Variants in TYW1B observed in about 807,000 individuals in gnomAD.
TYW1B encodes S-adenosyl-L-methionine-dependent tRNA 4-demethylwyosine synthase TYW1B.
Under a neutral mutation model 86.9 loss-of-function variants are expected in TYW1B, and 73 were observed. The observed-to-expected ratio is 0.84, with a 90% CI of 0.70 to 1.02. The LOEUF is 1.02. TYW1B is among the 50% of genes least tolerant of loss of function. The pLI, the probability that TYW1B is intolerant of heterozygous loss-of-function variation, is 0.00. For synonymous variants in TYW1B, 248 were observed against 292.8 expected, an observed-to-expected ratio of 0.85 and a Z score of 1.56; for missense variants, 637 against 827.4, an observed-to-expected ratio of 0.77 and a Z score of 2.82.
chr7:72,824,103 C>T (rs1351694227), intron 2 of TYW1B, among the ~76,000 whole-genome samples: 10 of 151,922 alleles, frequency 6.6e-5, no homozygotes, highest in African/African-American at 2.4e-4. Context: ...TAAGGTTTAA[C>T]TTAACAACTG....
chr7:72,791,261 A>G (rs1788212786), intron 6 of TYW1B, among the ~76,000 whole-genome samples: 1 of 151,938 alleles, frequency 6.6e-6, no homozygotes, highest in Non-Finnish European at 1.5e-5. Flanking sequence ...AACCTTGGGG[A>G]GGGAGGGGGA....
At chr7:72,615,951 G>C (rs1812061282) in intron 13 of TYW1B, among the ~76,000 whole-genome samples, 1 of 151,938 alleles carries the variant, frequency 6.6e-6, no homozygotes, top group Non-Finnish European at 1.5e-5. Context: ...GAGAAGGCAA[G>C]AGATATAAAA....
chr7:72,601,390 T>G (rs1391735807), intron 13 of TYW1B, among the ~76,000 whole-genome samples: 1 of 150,856 alleles, frequency 6.6e-6, no homozygotes, highest in Non-Finnish European at 1.5e-5. Flanking sequence ...CTGGCAAGGA[T>G]GTATAGCAAC....
chr7:72,714,553 A>T (rs1786741484), intron 9 of TYW1B, among the ~76,000 whole-genome samples: 1 of 151,760 alleles, frequency 6.6e-6, no homozygotes, highest in South Asian at 2.1e-4. Flanking sequence ...AGTCTGGGAG[A>T]TTGAGGCTGC....
intron 7 of TYW1B, among the ~76,000 whole-genome samples, chr7:72,755,575 G>T (rs781805474): frequency 1.3e-5 from 2 of 152,100 alleles, no homozygotes; most frequent in Non-Finnish European, 2.9e-5. Context: ...ACTCCAGGTG[G>T]ATCACTTAAG....
chr7:72,818,940 G>C (rs534971382), intron 2 of TYW1B, among the ~76,000 whole-genome samples: 1 of 152,020 alleles, frequency 6.6e-6, no homozygotes, highest in African/African-American at 2.4e-5. Flanking sequence ...CCAACACTGG[G>C]GACTACGATT....
At chr7:72,775,195 C>T (rs1174168520) in intron 7 of TYW1B, among the ~76,000 whole-genome samples, 3 of 151,866 alleles carry the variant, frequency 2.0e-5, no homozygotes, top group Non-Finnish European at 4.4e-5. Context: ...CAGATTATTA[C>T]ATATATAACT....
chr7:72,667,442 C>T (rs1215445787), intron 11 of TYW1B, among the ~76,000 whole-genome samples: 2 of 152,180 alleles, frequency 1.3e-5, no homozygotes, highest in Non-Finnish European at 2.9e-5. Flanking sequence ...AGGCCAGGCG[C>T]GGTGGCTCAC....
intron 10 of TYW1B, among the ~76,000 whole-genome samples, chr7:72,695,794 C>T (rs1391743732): frequency 1.3e-5 from 2 of 152,078 alleles, no homozygotes; most frequent in Non-Finnish European, 2.9e-5. Context: ...AGGGGTCCCA[C>T]TACGTTACCT....
chr7:72,611,814 G>C (rs1319209255), intron 13 of TYW1B, among the ~76,000 whole-genome samples: 12 of 152,006 alleles, frequency 7.9e-5, no homozygotes, highest in African/African-American at 2.9e-4. Context: ...CTTTGTCCTG[G>C]CGCACACTTG....
chr7:72,818,253 T>C (rs782720628), intron 2 of TYW1B, among the ~76,000 whole-genome samples: 2 of 151,842 alleles, frequency 1.3e-5, no homozygotes, highest in Non-Finnish European at 2.9e-5. Flanking sequence ...CTTTTCTTTA[T>C]AAATCACAGT....
intron 11 of TYW1B, among the ~76,000 whole-genome samples, chr7:72,664,733 T>C (rs1344041740): frequency 6.6e-5 from 10 of 152,092 alleles, no homozygotes; most frequent in South Asian, 2.1e-4. Context: ...AATGTGCATA[T>C]ATACCTTTGA....
chr7:72,728,777 C>A, intron 9 of TYW1B, 45 bp downstream of exon 9: 1 of 1,565,818 alleles, frequency 6.4e-7, no homozygotes, highest in Non-Finnish European at 8.7e-7. Context: ...CTGATTCAGA[C>A]TATTAACAAG....
Position 72,815,492 on chromosome 7 carries a change from A to C in TYW1B, c.136-11T>G, listed in dbSNP as rs190457972. 7 of 1,581,674 alleles carry C rather than the reference A, an allele frequency of 4.4e-6. No individual in the cohort carries two copies. In the African/African-American group the frequency reaches 5.5e-5, roughly 12 times the overall value. ...AACTGTTGCAAATCCCTAATAGGAC[A>C]AAAAAAAACTTCAAATAAAGTCTTC... On this transcript the variant is annotated splice_polypyrimidine_tract_variant and intron_variant, in intron 2 of 13. Transcript: ENST00000620995.
intron 13 of TYW1B, among the ~76,000 whole-genome samples, chr7:72,603,843 A>AC (rs1490989443): frequency 6.6e-6 from 1 of 152,102 alleles, no homozygotes; most frequent in Non-Finnish European, 1.5e-5. Context: ...TCCCTCGAGT[A>AC]CCCCTCAAAG....
In TYW1B at chr7:72,758,215, C is replaced by T. The variant is rs1309294973; in HGVS notation, c.965-13614G>A. 1.3e-5 allele frequency among the ~76,000 whole-genome samples: 2 copies of T among 151,826 alleles called. 1 individual carries two copies. The highest frequency in any genetic ancestry group is 2.9e-5 in the Non-Finnish European group (2 of 67,954). On this transcript the variant is annotated intron_variant, in intron 7 of 13. Transcript: ENST00000620995. Reference sequence around the variant, plus strand: ...AGCCTGGGTGACAAAGGAAGACTCTCTAACAACAACAACAAAAAAGCTGGG... The same window carrying T: ...AGCCTGGGTGACAAAGGAAGACTCTTTAACAACAACAACAAAAAAGCTGGG...
At chr7:72,743,574 T>C (rs1554462861) in intron 8 of TYW1B, among the ~76,000 whole-genome samples, 1 of 152,078 alleles carries the variant, frequency 6.6e-6, no homozygotes, top group Admixed American at 6.5e-5. Context: ...CTGGGTGCAG[T>C]GGCTCACACC....
chr7:72,828,177 C>T lies in TYW1B; in HGVS notation c.-102G>A. On this transcript the variant is annotated 5_prime_UTR_variant, in exon 1 of 14. Transcript: ENST00000620995. ...CCGAGCTACCTCGCGGCGTTAGCGC[C>T]GTACCGAGTGGCTGCAGAACTGTGG... 2 of 1,577,260 alleles carry T rather than the reference C, an allele frequency of 1.3e-6. No homozygotes were observed. Among genetic ancestry groups the T allele is most frequent in the Non-Finnish European group, 1.7e-6 (2 of 1,160,338 alleles).
chr7:72,683,580 A>G (rs782692554), intron 11 of TYW1B, among the ~76,000 whole-genome samples: 2 of 152,178 alleles, frequency 1.3e-5, no homozygotes, highest in Non-Finnish European at 2.9e-5. Context: ...AAAACAAAAC[A>G]AAACAAAACA....
Sources: allele counts gnomAD v4.1 joint callset (sites outside exome capture counted in the v4.1 genomes callset), GRCh38; gene constraint gnomAD v4.1.1; transcripts MANE v1.5; gene names NCBI Gene and HGNC (gene_info 2026-07-23, HGNC 2026-07-21).